The following KCNK9 variants were observed in gnomAD, a reference collection of about 807,000 sequenced individuals.
The protein encoded by KCNK9 is potassium two pore domain channel subfamily K member 9.
In KCNK9, 1 loss-of-function variant was observed where a neutral mutation model predicts 10.8. The observed-to-expected ratio is 0.09, with a 90% CI of 0.03 to 0.44. The LOEUF is 0.44. Among genes scored for constraint, KCNK9 ranks in the 20% least tolerant of loss-of-function variants. KCNK9 has a pLI of 0.97. For synonymous variants in KCNK9, 231 were observed against 222.7 expected (o/e 1.04, Z -0.33); for missense variants, 303 against 515.0 (o/e 0.59, Z 3.98).
intron 2 of KCNK9, among the ~76,000 whole-genome samples, chr8:139,605,057 C>T (rs1179716307): frequency 6.6e-6 from 1 of 152,220 alleles, no homozygotes; most frequent in Admixed American, 6.5e-5. Flanking sequence ...GCTCGGGAGC[C>T]CCAATACTTG....
chr8:139,624,410 C>T (rs3824284), intron 1 of KCNK9, among the ~76,000 whole-genome samples: 7,179 of 152,224 alleles, frequency 0.047, 311 homozygotes, highest in East Asian at 0.23. Flanking sequence ...GTTCAGGGAC[C>T]CTGGAGGGAG....
intron 1 of KCNK9, among the ~76,000 whole-genome samples, chr8:139,699,656 T>C (rs917734202): frequency 8.5e-5 from 13 of 152,222 alleles, no homozygotes; most frequent in Non-Finnish European, 1.6e-4. Context: ...TGGACTCCCG[T>C]TCTTCCCTGG....
At chr8:139,683,831 C>T (rs1272034542) in intron 1 of KCNK9, among the ~76,000 whole-genome samples, 2 of 152,216 alleles carry the variant, frequency 1.3e-5, no homozygotes, top group Non-Finnish European at 2.9e-5. Flanking sequence ...CTCCTTCTCC[C>T]AGTCATCTGC....
At chr8:139,675,719 G>A (rs766291260) in intron 1 of KCNK9, among the ~76,000 whole-genome samples, 21 of 150,324 alleles carry the variant, frequency 1.4e-4, no homozygotes, top group African/African-American at 3.9e-4. Context: ...CTGACCCCCC[G>A]CCTAGAGAGC....
rs2130101769 is a variant in KCNK9, at chr8:139,617,828, G to A, written c.*430C>T. On this transcript the variant is annotated 3_prime_UTR_variant, in exon 2 of 2. Transcript: ENST00000520439. The stretch of plus-strand genomic sequence containing the variant: ...TCCTTAGGAAAAGAGAAAGGAGTTA[G>A]GTCAGAGACACCACTAAGGGTAGGC... Among the ~76,000 whole-genome samples, 1 of 152,254 alleles carries A rather than the reference G, an allele frequency of 6.6e-6. No individual in the cohort carries two copies.
rs374842928 is a variant in KCNK9, at chr8:139,606,306, C to A, written c.*1-4705G>T. Among the ~76,000 whole-genome samples the A allele has an allele frequency of 6.6e-5, 10 of 152,242 alleles. No homozygotes were observed. In the East Asian group the frequency reaches 1.4e-3, roughly 21 times the overall value. On this transcript the variant is annotated intron_variant, in intron 2 of 2. Transcript: ENST00000650269. ...TGCTGTGGCAGGCCTCCGGTAGCAT[C>A]TTCATAAGAACCAAACCCAGGTCCC...
At chr8:139,633,018 T>C (rs1324704378) in intron 1 of KCNK9, among the ~76,000 whole-genome samples, 1 of 151,772 alleles carries the variant, frequency 6.6e-6, no homozygotes, top group African/African-American at 2.4e-5. Flanking sequence ...ATGGAACAGG[T>C]GAGAAAACGA....
At chr8:139,611,295 G>A (rs1814415315), downstream of KCNK9, 3 of 152,276 alleles carry the variant, frequency 2.0e-5, no homozygotes, top group South Asian at 6.2e-4. Context: ...CCAATTTAAA[G>A]GTGGGGAAAC....
At chr8:139,674,220 G>A (rs888932252) in intron 1 of KCNK9, among the ~76,000 whole-genome samples, 1 of 152,188 alleles carries the variant, frequency 6.6e-6, no homozygotes, top group East Asian at 1.9e-4. Flanking sequence ...CCCTGTGATG[G>A]GCTGAGGGCC....
At chr8:139,685,718 T>C (rs1031403333) in intron 1 of KCNK9, among the ~76,000 whole-genome samples, 2 of 152,224 alleles carry the variant, frequency 1.3e-5, no homozygotes, top group Admixed American at 6.5e-5. Flanking sequence ...GTCTTTGCTA[T>C]TGTGAATAGT....
At position 139,618,935 on chromosome 8, in the gene KCNK9, G is replaced by C. The variant is rs774431836; in HGVS notation, c.448C>G (p.Arg150Gly). 6.2e-7 allele frequency: 1 copy of C among 1,614,104 alleles called. No individual in the cohort carries two copies. The highest frequency in any genetic ancestry group is 8.5e-7 in the Non-Finnish European group (1 of 1,180,044). Reference protein sequence around the residue: ...LKRIKKCCGMRNTDVSMENMV... With the variant: ...LKRIKKCCGMGNTDVSMENMV... ...TTCTCCATAGACACGTCAGTGTTGC[G>C]CATGCCACAGCACTTCTTAATGCGC... The change falls in exon 2 of 2, where the codon CGC becomes GGC. Residue 150 changes from arginine (R) to glycine (G), a missense_variant. Physicochemically the swap from Arg to Gly is moderately radical, Grantham distance 125. Around this residue, in one of 5 missense-constraint regions of KCNK9, gnomAD observed 32 missense variants for 30.2 expected, o/e 1.06. Coordinates refer to ENST00000520439, the MANE Select transcript of KCNK9 (RefSeq NM_001282534.2). The surrounding 1 kb of genome is among the most constrained non-coding windows in gnomAD (Gnocchi z 7.9).
intron 1 of KCNK9, among the ~76,000 whole-genome samples, chr8:139,639,414 C>T (rs989733743): frequency 3.3e-5 from 5 of 152,226 alleles, no homozygotes; most frequent in South Asian, 2.1e-4. Context: ...CGCTGTCTGG[C>T]GGGGAGTAGT....
At position 139,619,049 on chromosome 8, in the gene KCNK9, A is replaced by C; in HGVS notation, c.334T>G (p.Phe112Val). 1 of 1,614,222 alleles carries C rather than the reference A, an allele frequency of 6.2e-7. No individual in the cohort carries two copies. Among genetic ancestry groups the C allele is most frequent in the Non-Finnish European group, 8.5e-7 (1 of 1,180,046 alleles). ...AGCGGGATGCCCAGCACGGCGTAGA[A>C]CATGCAGAAGGCCTTGCCCGCATCG... ...GTDAGKAFCM[F>V]YAVLGIPLTL... The change falls in exon 2 of 2, where the codon TTC (phenylalanine) becomes GTC (valine). Residue 112 changes from phenylalanine (F) to valine (V), a missense_variant. Phe to Val is a conservative substitution (Grantham distance 50, BLOSUM62 -1). This residue lies in a region of KCNK9 where 22 missense variants were observed against 86.5 expected (regional missense o/e 0.25). Coordinates refer to ENST00000520439, the MANE Select transcript of KCNK9 (RefSeq NM_001282534.2).
intron 1 of KCNK9, among the ~76,000 whole-genome samples, chr8:139,654,570 G>A (rs754692424): frequency 5.9e-5 from 9 of 152,226 alleles, no homozygotes; most frequent in East Asian, 1.9e-4. Context: ...TCAGGTAGGC[G>A]ACAGGCAGAT....
chr8:139,610,849 C>T (rs959738024), downstream of KCNK9, among the ~76,000 whole-genome samples: 12 of 152,222 alleles, frequency 7.9e-5, no homozygotes, highest in African/African-American at 2.9e-4. Context: ...TTGTGGAGGG[C>T]CTTGAGATTT....
At chr8:139,686,184 A>G (rs1445937918) in intron 1 of KCNK9, among the ~76,000 whole-genome samples, 3 of 152,242 alleles carry the variant, frequency 2.0e-5, no homozygotes, top group African/African-American at 7.2e-5. Context: ...AGGCAATACC[A>G]TTCAGGACAT....
chr8:139,647,289 T>C (rs1815718884), intron 1 of KCNK9, among the ~76,000 whole-genome samples: 1 of 152,196 alleles, frequency 6.6e-6, no homozygotes, highest in Non-Finnish European at 1.5e-5. Context: ...TGGAGGTCTA[T>C]GGCAGAAGCT....
rs1817252678 is a variant in KCNK9, at chr8:139,702,534, C to T, written c.283+176G>A. On this transcript the variant is annotated intron_variant, in intron 1 of 1. Transcript: ENST00000520439. This position sits in a 1 kb window ranked among gnomAD's most constrained non-coding sequence, Gnocchi z 7.5. ...CGGGTGGGGTCCCCGAAGGGTGAGG[C>T]TCGGAGGCGCCGCGGAGGGGGGGCT... Among the ~76,000 whole-genome samples, 3 of 152,094 alleles carry T rather than the reference C, an allele frequency of 2.0e-5. No homozygotes were observed. In the South Asian group the frequency reaches 6.2e-4, roughly 32 times the overall value.
intron 1 of KCNK9, among the ~76,000 whole-genome samples, chr8:139,634,823 C>G (rs544022804): frequency 6.6e-6 from 1 of 152,274 alleles, no homozygotes; most frequent in Non-Finnish European, 1.5e-5. Flanking sequence ...CAACAGCCAT[C>G]AGCCGAGGCC....
Sources: gnomAD v4.1 joint callset for allele counts (sites outside exome capture counted in the v4.1 genomes callset) on GRCh38, gnomAD v4.1.1 for gene constraint, gnomAD v4.1.1 regional missense constraint, Gnocchi (gnomAD v3.1) non-coding constraint, MANE v1.5 for transcripts, NCBI Gene and HGNC (gene_info 2026-07-23, HGNC 2026-07-21) for gene names.